ZC3H14: variants seen among roughly 807,000 people sequenced by gnomAD.
The protein encoded by ZC3H14 is zinc finger CCCH-type containing 14.
A neutral mutation model predicts 92.4 loss-of-function variants in ZC3H14; 31 were observed. The observed-to-expected ratio is 0.34, with a 90% confidence interval of 0.25 to 0.45. The LOEUF is 0.45. Ranked by LOEUF, ZC3H14 falls within the 20% of genes least tolerant of loss-of-function variation. The pLI is 1.00. For missense variants in ZC3H14, 781 were observed against 897.3 expected (o/e 0.87, Z 1.66); for synonymous variants, 321 against 300.9 (o/e 1.07, Z -0.69).
intron 7 of ZC3H14, 124 bp from the exon 8 acceptor site, chr14:88,575,716 T>A: frequency 1.3e-6 from 1 of 749,200 alleles, no homozygotes; most frequent in Non-Finnish European, 2.2e-6. Context: ...GTTGGCATTT[T>A]CTAAAAACTG....
At position 88,618,296 on chromosome 14, in the gene ZC3H14, T is replaced by C; in HGVS notation, c.*6545T>C. 1.2e-6 allele frequency: 2 copies of C among 1,613,826 alleles called. No homozygotes were observed. The highest frequency in any genetic ancestry group is 1.7e-6 in the Non-Finnish European group (2 of 1,179,864). On this transcript the variant is annotated 3_prime_UTR_variant, in exon 17 of 17. Transcript: ENST00000251038. ...CCATAAGATGTTTTCCTGAAGGCAC[T>C]TCATAGACATGCCGTTTATAGCAGC...
At position 88,623,596 on chromosome 14, in the gene ZC3H14, T is replaced by A. The variant is rs2089450014; in HGVS notation, c.*11845T>A. On this transcript the variant is annotated 3_prime_UTR_variant, in exon 17 of 17. Coordinates refer to ENST00000251038, the MANE Select transcript of ZC3H14 (RefSeq NM_024824.5). ...GCCTGGCTAATTTTTGTATTTTTAG[T>A]AGAGATGGAGTTTCACCATATTGGC... 1 of 151,990 alleles carries A rather than the reference T, an allele frequency of 6.6e-6. No individual in the cohort carries two copies. Among genetic ancestry groups the A allele is most frequent in the Admixed American group, 6.6e-5 (1 of 15,252 alleles). 9.4% of individuals were successfully genotyped at this position (151,990 alleles called of 1,614,324 possible).
At chr14:88,589,124 C>T (rs2082794040) in intron 9 of ZC3H14, 1 of 151,912 alleles carries the variant, frequency 6.6e-6, no homozygotes, top group South Asian at 2.1e-4. Context: ...ATAGTGGTTC[C>T]TAGTTTAAGG....
At position 88,609,364 on chromosome 14, in the gene ZC3H14, CAT is replaced by C; in HGVS notation, c.1967_1968del (p.His656ArgfsTer3). ...TACTAAACCAGATTGTCCCTTCACT[CAT>C]GTGAGTAGAAGAATTCCAGTACTGT... is the stretch of plus-strand genomic sequence containing the variant. The part of the protein sequence containing the change: ...KCTKPDCPFT[H>X]VSRRIPVLSP... On this transcript the variant is annotated frameshift_variant, in exon 14 of 17. Transcript: ENST00000251038. LOFTEE classifies it high-confidence loss of function. 6.2e-7 allele frequency: 1 copy of C among 1,614,044 alleles called. No individual in the cohort carries two copies. The highest frequency in any genetic ancestry group is 8.5e-7 in the Non-Finnish European group (1 of 1,179,980).
At position 88,580,553 on chromosome 14, in the gene ZC3H14, A is replaced by AAAG. The variant is rs1566921944; in HGVS notation, c.1279+2415_1279+2416insGAA. 3.3e-5 allele frequency among the ~76,000 whole-genome samples: 5 copies of AAAG among 152,028 alleles called. No homozygotes were observed. In the South Asian group the frequency reaches 6.2e-4, roughly 19 times the overall value. On this transcript the variant is annotated intron_variant, in intron 9 of 16. Coordinates refer to ENST00000251038, the MANE Select transcript of ZC3H14 (RefSeq NM_024824.5). The stretch of plus-strand genomic sequence containing the variant: ...AAAGACAAGAACATTTTAAAAGTCT[A>AAAG]AAAGGGCTCATGAGAAAGTGGCAAA...
At chr14:88,585,365 C>G (rs990638609) in intron 9 of ZC3H14, among the ~76,000 whole-genome samples, 5 of 136,648 alleles carry the variant, frequency 3.7e-5, no homozygotes, top group African/African-American at 5.4e-5. Flanking sequence ...ACTGTTTAAA[C>G]CTTCCCTTTC....
chr14:88,568,148 C>T lies in ZC3H14; in HGVS notation c.189C>T (p.Thr63=), dbSNP rs140187818. The part of the protein sequence containing the change: ...LFLGNNTIRF[T]VWLHGVLDKL... The stretch of plus-strand genomic sequence containing the variant: ...TAGGGAACAACACAATTCGATTCAC[C>T]GTATGGTATGTTTCTGAATTTTTGT... Residue 63 remains threonine, a synonymous_variant, in exon 3 of 17, where the codon ACC becomes ACT. Transcript: ENST00000251038. 2.3e-4 allele frequency: 365 copies of T among 1,613,420 alleles called. No homozygotes were observed. The highest frequency in any genetic ancestry group is 6.8e-4 in the South Asian group (62 of 91,026).
intron 9 of ZC3H14, among the ~76,000 whole-genome samples, chr14:88,581,011 A>C (rs1443769265): frequency 1.3e-5 from 2 of 152,222 alleles, no homozygotes; most frequent in Non-Finnish European, 1.5e-5. Context: ...ACCAACTGTT[A>C]TCTATATGCA....
At chr14:88,608,501 C>T (rs566377071) in intron 13 of ZC3H14, 57 of 268,098 alleles carry the variant, frequency 2.1e-4, no homozygotes, top group Non-Finnish European at 3.8e-4. Context: ...TCCAGAGTAG[C>T]GTATTTCTTG....
At position 88,596,527 on chromosome 14, in the gene ZC3H14, T is replaced by G. The variant is rs78938342; in HGVS notation, c.1280-207T>G. ...AGGGAGAACCAGGAGTGTTTTAAAT[T>G]GGCATTTGTGGTTTAACCCTGAGTA... On this transcript the variant is annotated intron_variant, in intron 9 of 16. Coordinates refer to ENST00000251038, the MANE Select transcript of ZC3H14 (RefSeq NM_024824.5). 6.5e-3 allele frequency among the ~76,000 whole-genome samples: 993 copies of G among 152,322 alleles called. 8 individuals are homozygous for G. The highest frequency in any genetic ancestry group is 0.023 in the African/African-American group (952 of 41,572).
intron 3 of ZC3H14, 74 bp downstream of exon 3, chr14:88,568,227 G>GTT: frequency 7.9e-7 from 1 of 1,264,368 alleles, no homozygotes; most frequent in Non-Finnish European, 1.1e-6. Context: ...CCAAAGAGAG[G>GTT]TTCTTGACAC....
chr14:88,570,124 A>C (rs564784970), intron 3 of ZC3H14, among the ~76,000 whole-genome samples: 1 of 152,300 alleles, frequency 6.6e-6, no homozygotes, highest in African/African-American at 2.4e-5. Flanking sequence ...CAACATTCTC[A>C]TCTGGCCATA....
In ZC3H14 at chr14:88,622,842, C is replaced by T; in HGVS notation, c.*11091C>T. 1.8e-6 allele frequency: 1 copy of T among 548,262 alleles called. No homozygotes were observed. Among genetic ancestry groups the T allele is most frequent in the Non-Finnish European group, 3.0e-6 (1 of 332,086 alleles). The allele number at this position is 548,262 out of a possible 1,614,324, so 34.0% of individuals were successfully genotyped here. A position where few individuals can be genotyped will look rare whatever the true frequency, so the allele number is the denominator to read the frequency against. ...AAAAGGCCCTGATATTTATAATTTA[C>T]CTCTAATATTCTTGTAAACTTTCTA... On this transcript the variant is annotated 3_prime_UTR_variant, in exon 17 of 17. Transcript: ENST00000251038.
chr14:88,582,561 C>T (rs2896078), intron 9 of ZC3H14, among the ~76,000 whole-genome samples: 134,455 of 152,286 alleles, frequency 0.88, 60,055 homozygotes, highest in Non-Finnish European at 0.94. Flanking sequence ...TGAAGAGGAC[C>T]GATAAAGATG....
At chr14:88,600,187 G>A (rs1389755619) in intron 10 of ZC3H14, among the ~76,000 whole-genome samples, 1 of 152,178 alleles carries the variant, frequency 6.6e-6, no homozygotes, top group Non-Finnish European at 1.5e-5. Context: ...TCTTCCGCCT[G>A]TCTCCCTTTA....
chr14:88,609,166 C>CAAGA, intron 13 of ZC3H14, 101 bp from the exon 14 acceptor site: 1 of 1,441,866 alleles, frequency 6.9e-7, no homozygotes, highest in South Asian at 1.2e-5. Context: ...TTGCATTTCT[C>CAAGA]AAAACAAGTA....
chr14:88,565,894 G>A (rs1040659674), intron 2 of ZC3H14, among the ~76,000 whole-genome samples: 3 of 151,366 alleles, frequency 2.0e-5, no homozygotes, highest in African/African-American at 7.3e-5. Context: ...TTGAGATGGG[G>A]TCTCACTCTG....
intron 9 of ZC3H14, among the ~76,000 whole-genome samples, chr14:88,595,505 T>C (rs1375167813): frequency 6.6e-6 from 1 of 152,208 alleles, no homozygotes; most frequent in East Asian, 1.9e-4. Flanking sequence ...CTGTAACTTT[T>C]CACCTCAGTT....
At chr14:88,573,477 A>G (rs371618945) in intron 6 of ZC3H14, among the ~76,000 whole-genome samples, 1 of 152,080 alleles carries the variant, frequency 6.6e-6, no homozygotes, top group Admixed American at 6.5e-5. Flanking sequence ...CTTGTTGCCC[A>G]GGCTGGAGTG....
Sources: allele counts gnomAD v4.1 joint callset (sites outside exome capture counted in the v4.1 genomes callset), GRCh38; gene constraint gnomAD v4.1.1; transcripts MANE v1.5; gene names NCBI Gene and HGNC (gene_info 2026-07-23, HGNC 2026-07-21).